Variants in RIMS2 observed in about 807,000 individuals in gnomAD.
RIMS2 encodes regulating synaptic membrane exocytosis protein 2.
In RIMS2, 59 loss-of-function variants were observed where a neutral mutation model predicts 174.4. The ratio of observed to expected loss-of-function variants is 0.34; its 90% CI spans 0.27 to 0.42. The LOEUF (loss-of-function observed/expected upper bound fraction) is 0.42. RIMS2 is among the 10% of genes least tolerant of loss of function. The pLI, the probability that RIMS2 is intolerant of heterozygous loss-of-function variation, is 1.00. For synonymous variants in RIMS2, 606 were observed against 572.5 expected, an observed-to-expected ratio of 1.06 and a Z score of -0.84; for missense variants, 1,620 against 1,666.3, an observed-to-expected ratio of 0.97 and a Z score of 0.48.
intron 1 of RIMS2, among the ~76,000 whole-genome samples, chr8:103,647,454 G>A (rs2096361864): frequency 6.6e-6 from 1 of 152,090 alleles, no homozygotes; most frequent in African/African-American, 2.4e-5. Flanking sequence ...GAGTTAGAGG[G>A]GAGACCCTCC....
chr8:103,839,567 C>T (rs527284908), intron 3 of RIMS2, among the ~76,000 whole-genome samples: 2 of 152,276 alleles, frequency 1.3e-5, no homozygotes, highest in South Asian at 2.1e-4. Flanking sequence ...AATATCTCTC[C>T]AAGCTTGCTT....
intron 17 of RIMS2, among the ~76,000 whole-genome samples, chr8:103,998,781 T>A (rs1430330206): frequency 6.6e-6 from 1 of 151,778 alleles, no homozygotes. Context: ...ACTGAGTCTG[T>A]GAGAAAACAC....
intron 1 of RIMS2, among the ~76,000 whole-genome samples, chr8:103,521,226 G>A (rs1831520047): frequency 6.6e-6 from 1 of 151,688 alleles, no homozygotes; most frequent in Admixed American, 6.6e-5. Flanking sequence ...CATGGCACAT[G>A]TATACATATG....
At chr8:103,676,307 A>G (rs2096810804) in intron 1 of RIMS2, among the ~76,000 whole-genome samples, 1 of 152,174 alleles carries the variant, frequency 6.6e-6, no homozygotes, top group Non-Finnish European at 1.5e-5. Flanking sequence ...TGGTCTTTTA[A>G]ACTAAGCTAT....
At chr8:103,960,513 T>A (rs1331699091) in intron 14 of RIMS2, among the ~76,000 whole-genome samples, 4 of 152,186 alleles carry the variant, frequency 2.6e-5, no homozygotes, top group African/African-American at 9.6e-5. Flanking sequence ...ATAGTTTTTT[T>A]AAAAAGGATA....
At chr8:103,795,206 T>C (rs973311123) in intron 3 of RIMS2, among the ~76,000 whole-genome samples, 1 of 152,170 alleles carries the variant, frequency 6.6e-6, no homozygotes, top group African/African-American at 2.4e-5. Context: ...AATGATAGAC[T>C]GGATTAAGAA....
At position 103,783,318 on chromosome 8, in the gene RIMS2, G is replaced by C. The variant is rs1280540812; in HGVS notation, c.698+16781G>C. On this transcript the variant is annotated intron_variant, in intron 3 of 23. Transcript: ENST00000504942. Reference sequence around the variant, plus strand: ...AAGTTTTAGGGTACATGTGCACATTGTGCAGGTTAGTTACATATGTATACA... The same window carrying C: ...AAGTTTTAGGGTACATGTGCACATTCTGCAGGTTAGTTACATATGTATACA... 4.3e-5 allele frequency among the ~76,000 whole-genome samples: 6 copies of C among 140,814 alleles called. No homozygotes were observed. The Admixed American group carries it at 4.3e-4, about 10-fold the overall frequency. 92.4% of individuals were successfully genotyped at this position (140,814 alleles called of 152,430 possible). A position where few individuals can be genotyped will look rare whatever the true frequency, so the allele number is the denominator to read the frequency against.
At chr8:104,064,442 T>G (rs990848872) in intron 19 of RIMS2, among the ~76,000 whole-genome samples, 1 of 152,026 alleles carries the variant, frequency 6.6e-6, no homozygotes, top group African/African-American at 2.4e-5. Context: ...ATTTCTAAAG[T>G]AGAATAAAGG....
chr8:104,125,643 T>C (rs2098422302), intron 19 of RIMS2, among the ~76,000 whole-genome samples: 1 of 152,186 alleles, frequency 6.6e-6, no homozygotes, highest in African/African-American at 2.4e-5. Context: ...AGAATAATTT[T>C]TTTAAAATTG....
At chr8:104,219,005 AT>A (rs2099143681) in intron 19 of RIMS2, among the ~76,000 whole-genome samples, 1 of 152,202 alleles carries the variant, frequency 6.6e-6, no homozygotes, top group Non-Finnish European at 1.5e-5. Flanking sequence ...TCAAACCTCT[AT>A]TTCAGGAATA....
intron 1 of RIMS2, among the ~76,000 whole-genome samples, chr8:103,643,483 G>T (rs1207670100): frequency 6.6e-6 from 1 of 152,074 alleles, no homozygotes; most frequent in East Asian, 1.9e-4. Context: ...CTGGAGAAGG[G>T]TTATTCAGTA....
intron 3 of RIMS2, among the ~76,000 whole-genome samples, chr8:103,826,426 T>C (rs2098791417): frequency 6.6e-6 from 1 of 151,858 alleles, no homozygotes; most frequent in African/African-American, 2.4e-5. Flanking sequence ...GGGGTCAAGA[T>C]TAATATTTTT....
chr8:104,128,684 C>T (rs749940928), intron 19 of RIMS2, among the ~76,000 whole-genome samples: 40 of 151,832 alleles, frequency 2.6e-4, no homozygotes, highest in Non-Finnish European at 4.0e-4. Flanking sequence ...GCAACAAGAG[C>T]GAAACTCCAT....
intron 19 of RIMS2, among the ~76,000 whole-genome samples, chr8:104,092,347 GA>G (rs2097676177): frequency 6.6e-6 from 1 of 151,770 alleles, no homozygotes; most frequent in Non-Finnish European, 1.5e-5. Context: ...TCTGTGATTA[GA>G]AAATTCTCCT....
intron 1 of RIMS2, among the ~76,000 whole-genome samples, chr8:103,668,130 C>T (rs1158534871): frequency 6.6e-6 from 1 of 152,172 alleles, no homozygotes; most frequent in African/African-American, 2.4e-5. Flanking sequence ...TTATTAGGAG[C>T]ATAGGCCTTC....
At chr8:104,227,657 T>C (rs1316059957) in intron 19 of RIMS2, among the ~76,000 whole-genome samples, 2 of 152,212 alleles carry the variant, frequency 1.3e-5, no homozygotes, top group Non-Finnish European at 1.5e-5. Flanking sequence ...TAATGTTACA[T>C]GTGGCTCTGG....
chr8:103,671,327 C>T (rs1455395758), intron 1 of RIMS2, among the ~76,000 whole-genome samples: 1 of 152,156 alleles, frequency 6.6e-6, no homozygotes, highest in Non-Finnish European at 1.5e-5. Flanking sequence ...TGACTTGCAT[C>T]ATGGAGTTCA....
At chr8:103,746,633 G>GT (rs1242986323) in intron 2 of RIMS2, among the ~76,000 whole-genome samples, 3 of 151,920 alleles carry the variant, frequency 2.0e-5, no homozygotes, top group African/African-American at 7.3e-5. Flanking sequence ...GCCACAGTGT[G>GT]TGTGTTGTTC....
chr8:103,755,250 A>G (rs1408864621), intron 2 of RIMS2, among the ~76,000 whole-genome samples: 3 of 152,150 alleles, frequency 2.0e-5, no homozygotes, highest in African/African-American at 7.2e-5. Context: ...AATGTTGAAT[A>G]TTGGCCCCCA....
Sources: gnomAD v4.1 joint callset for allele counts (sites outside exome capture counted in the v4.1 genomes callset) on GRCh38, gnomAD v4.1.1 for gene constraint, MANE v1.5 for transcripts, NCBI Gene and HGNC (gene_info 2026-07-23, HGNC 2026-07-21) for gene names.